The following FERRY3 variants were observed in gnomAD, a reference collection of about 807,000 sequenced individuals.
The protein encoded by FERRY3 is FERRY endosomal RAB5 effector complex subunit 3, also known as protein C12orf4.
chr12:4,500,241 C>A, the FERRY3 span: 1 of 1,613,934 alleles, frequency 6.2e-7, no homozygotes, highest in Non-Finnish European at 8.5e-7. Context: ...GGCAGGATCA[C>A]GAGCAGTGAT....
At chr12:4,526,920 A>AAGTT in the FERRY3 span, among the ~76,000 whole-genome samples, 2 of 152,112 alleles carry the variant, frequency 1.3e-5, no homozygotes, top group Non-Finnish European at 2.9e-5. Context: ...AAATTCAAGC[A>AAGTT]AGTTACACAT....
chr12:4,521,740 A>AT, the FERRY3 span, among the ~76,000 whole-genome samples: 1 of 152,228 alleles, frequency 6.6e-6, no homozygotes, highest in Non-Finnish European at 1.5e-5. Context: ...TACATGCATA[A>AT]ATATATAGGT....
chr12:4,510,186 G>A, the FERRY3 span, among the ~76,000 whole-genome samples: 1 of 140,822 alleles, frequency 7.1e-6, no homozygotes, highest in Non-Finnish European at 1.5e-5. Context: ...AAGAAGGGAA[G>A]TTTAGAGAAA....
the FERRY3 span, chr12:4,518,312 T>A: frequency 2.0e-5 from 30 of 1,480,360 alleles, no homozygotes; most frequent in African/African-American, 5.6e-5. Context: ...AAGTCCAGTA[T>A]AACAAGATGC....
the FERRY3 span, among the ~76,000 whole-genome samples, chr12:4,521,978 A>G: frequency 2.0e-5 from 3 of 152,232 alleles, no homozygotes; most frequent in Non-Finnish European, 4.4e-5. Context: ...ATGGTACTAT[A>G]ATAGCAGATA....
the FERRY3 span, among the ~76,000 whole-genome samples, chr12:4,509,894 T>C: frequency 5.2e-3 from 737 of 140,500 alleles, 35 homozygotes; most frequent in South Asian, 0.015. Context: ...CAAAGCTGGA[T>C]GGAGAATGAC....
the FERRY3 span, among the ~76,000 whole-genome samples, chr12:4,493,069 C>T: frequency 1.3e-5 from 2 of 152,162 alleles, no homozygotes; most frequent in African/African-American, 4.8e-5. Context: ...TGAACCTGAT[C>T]TTCATTTTTC....
the FERRY3 span, among the ~76,000 whole-genome samples, chr12:4,506,204 T>C: frequency 2.0e-5 from 3 of 152,204 alleles, no homozygotes; most frequent in Non-Finnish European, 4.4e-5. Context: ...TCAAAGTAGC[T>C]ATCTTTAAGA....
chr12:4,508,391 C>G, the FERRY3 span, among the ~76,000 whole-genome samples: 1 of 152,184 alleles, frequency 6.6e-6, no homozygotes, highest in Admixed American at 6.5e-5. Context: ...CAAACAGCCC[C>G]AATTTTAAAG....
chr12:4,493,890 C>G, the FERRY3 span, among the ~76,000 whole-genome samples: 2 of 152,146 alleles, frequency 1.3e-5, no homozygotes, highest in African/African-American at 2.4e-5. Context: ...GTCAGAAGTT[C>G]GAGACCAGCC....
At chr12:4,536,274 C>G in the FERRY3 span, 1 of 969,396 alleles carries the variant, frequency 1.0e-6, no homozygotes, top group African/African-American at 1.7e-5. Context: ...TTCATTATTG[C>G]TGTCCCATTT....
At chr12:4,495,710 C>A in the FERRY3 span, among the ~76,000 whole-genome samples, 1 of 152,206 alleles carries the variant, frequency 6.6e-6, no homozygotes, top group Non-Finnish European at 1.5e-5. Flanking sequence ...CGTTGTCCCA[C>A]TTGTCCAAAG....
the FERRY3 span, among the ~76,000 whole-genome samples, chr12:4,512,435 C>T: frequency 6.6e-6 from 1 of 152,272 alleles, no homozygotes; most frequent in Non-Finnish European, 1.5e-5. Context: ...GAGACACAAC[C>T]AAAAAAGCAA....
chr12:4,525,726 A>G, the FERRY3 span: 1 of 605,292 alleles, frequency 1.7e-6, no homozygotes, highest in Admixed American at 3.5e-5. Context: ...TTGTAACTGG[A>G]AAGTACTTTA....
At chr12:4,503,621 ATACTT>A in the FERRY3 span, among the ~76,000 whole-genome samples, 3 of 152,186 alleles carry the variant, frequency 2.0e-5, no homozygotes, top group Non-Finnish European at 1.5e-5. Flanking sequence ...CTCTAACTGA[ATACTT>A]TAATATTCCT....
the FERRY3 span, chr12:4,500,227 T>A: frequency 1.2e-6 from 2 of 1,614,032 alleles, no homozygotes; most frequent in Admixed American, 3.3e-5. Flanking sequence ...CGGAGTCCCA[T>A]AATGGCAGGA....
chr12:4,504,997 C>T, the FERRY3 span, among the ~76,000 whole-genome samples: 2 of 152,120 alleles, frequency 1.3e-5, no homozygotes, highest in South Asian at 4.1e-4. Flanking sequence ...CCCAGCTACT[C>T]AGGAGGCTGA....
chr12:4,533,255 C>T, the FERRY3 span, among the ~76,000 whole-genome samples: 3 of 152,108 alleles, frequency 2.0e-5, no homozygotes, highest in East Asian at 1.9e-4. Flanking sequence ...GGATTCTATC[C>T]CTTCTAGTCC....
chr12:4,535,922 G>A, the FERRY3 span: 9 of 1,061,882 alleles, frequency 8.5e-6, no homozygotes, highest in African/African-American at 1.5e-4. This position sits in a 1 kb window ranked among gnomAD's most constrained non-coding sequence, Gnocchi z 4.0. Flanking sequence ...TGTTTCCAAA[G>A]CTTCTTAGGT....
Sources: gnomAD v4.1 joint callset for allele counts (sites outside exome capture counted in the v4.1 genomes callset) on GRCh38, gnomAD v4.1.1 for gene constraint, Gnocchi (gnomAD v3.1) non-coding constraint, MANE v1.5 for transcripts, NCBI Gene and HGNC (gene_info 2026-07-23, HGNC 2026-07-21) for gene names.